The following PXYLP1 variants were observed in gnomAD, a reference collection of about 807,000 sequenced individuals.
The protein encoded by PXYLP1 is 2-phosphoxylose phosphatase 1, also known as acid phosphatase-like 2.
In PXYLP1, 17 loss-of-function variants were observed where a neutral mutation model predicts 37.9. That is an observed-to-expected ratio of 0.45 (90% CI 0.31 to 0.67). The LOEUF is 0.67. PXYLP1 is among the 30% of genes least tolerant of loss of function. The pLI, the probability that PXYLP1 is intolerant of heterozygous loss-of-function variation, is 0.07. For synonymous variants in PXYLP1, 221 were observed against 232.2 expected, an observed-to-expected ratio of 0.95 and a Z score of 0.44; for missense variants, 511 against 612.0, an observed-to-expected ratio of 0.84 and a Z score of 1.74.
At chr3:141,285,547 C>T (rs983015673) in intron 4 of PXYLP1, among the ~76,000 whole-genome samples, 1 of 151,874 alleles carries the variant, frequency 6.6e-6, no homozygotes, top group African/African-American at 2.4e-5. Context: ...AAATAAAAAA[C>T]ATTGGAATGA....
intron 2 of PXYLP1, among the ~76,000 whole-genome samples, chr3:141,269,058 C>G (rs1019492457): frequency 1.3e-5 from 2 of 152,256 alleles, no homozygotes; most frequent in African/African-American, 4.8e-5. Context: ...GAGTGCAGGC[C>G]CCACCCTGGG....
intron 2 of PXYLP1, among the ~76,000 whole-genome samples, chr3:141,268,190 AGAGAGAGAGAGAGAGAGT>A (rs1296546513): frequency 3.9e-4 from 39 of 99,414 alleles, no homozygotes; most frequent in African/African-American, 5.4e-4. Context: ...AGAGAGAGAG[AGAGAGAGAGAGAGAGAGT>A]GTGTGTGTGT....
chr3:141,261,702 G>A (rs1277188480), intron 2 of PXYLP1, among the ~76,000 whole-genome samples: 3 of 152,200 alleles, frequency 2.0e-5, no homozygotes, highest in East Asian at 1.9e-4. Context: ...TTGTCTGCTC[G>A]TTGAGAGCAG....
chr3:141,293,351 T>A lies in PXYLP1; in HGVS notation c.*146T>A, dbSNP rs1576612022. The A allele has an allele frequency of 2.3e-6, 2 of 857,538 alleles. No individual in the cohort carries two copies. The highest frequency in any genetic ancestry group is 5.3e-5 in the East Asian group (2 of 37,548). The allele number at this position is 857,538 out of a possible 1,614,324, so 53.1% of individuals were successfully genotyped here. On this transcript the variant is annotated 3_prime_UTR_variant, in exon 6 of 6. Transcript: ENST00000286353. ...TTGTGGGAACCACAGATGGTTGGGGTTGAACAGTAAGCACATTGCTGCAAT... is the reference window on the plus strand; with the variant it reads ...TTGTGGGAACCACAGATGGTTGGGGATGAACAGTAAGCACATTGCTGCAAT...
chr3:141,269,300 C>T (rs967551140), intron 2 of PXYLP1, among the ~76,000 whole-genome samples: 5 of 152,178 alleles, frequency 3.3e-5, no homozygotes, highest in Non-Finnish European at 5.9e-5. Flanking sequence ...CCATTCCCAC[C>T]GGAGCAGGGA....
intron 4 of PXYLP1, among the ~76,000 whole-genome samples, chr3:141,286,302 T>A (rs1041722864): frequency 1.3e-5 from 2 of 152,246 alleles, no homozygotes; most frequent in Admixed American, 6.5e-5. Context: ...TACTCTCAGA[T>A]CTCATATATA....
chr3:141,266,264 C>A (rs1941508704), intron 2 of PXYLP1, among the ~76,000 whole-genome samples: 1 of 152,218 alleles, frequency 6.6e-6, no homozygotes, highest in Admixed American at 6.5e-5. Flanking sequence ...CTTCCAGCTC[C>A]TCTTTGAAAA....
At chr3:141,269,751 G>A (rs1421590516) in intron 2 of PXYLP1, among the ~76,000 whole-genome samples, 2 of 152,208 alleles carry the variant, frequency 1.3e-5, no homozygotes, top group Admixed American at 6.5e-5. Flanking sequence ...TTCTTTTCAT[G>A]GTTCTTTTTG....
chr3:141,266,194 C>T (rs1184106575), intron 2 of PXYLP1, among the ~76,000 whole-genome samples: 1 of 152,228 alleles, frequency 6.6e-6, no homozygotes, highest in African/African-American at 2.4e-5. Flanking sequence ...GGCCCAACCC[C>T]TGTTTTTAGA....
At chr3:141,236,709 A>G (rs543729614) in intron 1 of PXYLP1, among the ~76,000 whole-genome samples, 2 of 152,346 alleles carry the variant, frequency 1.3e-5, no homozygotes, top group South Asian at 4.1e-4. Context: ...TCTAGTTAGA[A>G]TTAAACATTT....
intron 2 of PXYLP1, among the ~76,000 whole-genome samples, chr3:141,267,763 G>A (rs1485973630): frequency 1.3e-5 from 2 of 152,138 alleles, no homozygotes; most frequent in Admixed American, 6.5e-5. Flanking sequence ...GCTGAGAATG[G>A]ACACATTTAT....
intron 2 of PXYLP1, among the ~76,000 whole-genome samples, chr3:141,269,316 G>T (rs944722851): frequency 1.3e-5 from 2 of 152,186 alleles, no homozygotes; most frequent in Non-Finnish European, 2.9e-5. Flanking sequence ...AGGGACAGAA[G>T]CACATGTTTA....
At chr3:141,272,820 T>C (rs533810534) in intron 2 of PXYLP1, 2 of 225,284 alleles carry the variant, frequency 8.9e-6, no homozygotes, top group Admixed American at 1.3e-4. Context: ...CATTGGCAGC[T>C]TATTAGATTG....
At position 141,294,070 on chromosome 3, in the gene PXYLP1, T is replaced by A. The variant is rs534847427; in HGVS notation, c.*865T>A. 1 of 152,240 alleles carries A rather than the reference T, an allele frequency of 6.6e-6. No individual in the cohort carries two copies. Among genetic ancestry groups the A allele is most frequent in the Admixed American group, 6.5e-5 (1 of 15,282 alleles). 9.4% of individuals were successfully genotyped at this position (152,240 alleles called of 1,614,324 possible). Reference sequence around the variant, plus strand: ...AAGAATACTTGATGTTTATGATGATTGTGGTACAAGATAGTTTTAAGTATG... The same window carrying A: ...AAGAATACTTGATGTTTATGATGATAGTGGTACAAGATAGTTTTAAGTATG... On this transcript the variant is annotated 3_prime_UTR_variant, in exon 6 of 6. Coordinates refer to ENST00000286353, the MANE Select transcript of PXYLP1 (RefSeq NM_001037172.3).
chr3:141,251,466 T>C, intron 1 of PXYLP1, among the ~76,000 whole-genome samples: 1 of 152,152 alleles, frequency 6.6e-6, no homozygotes, highest in East Asian at 1.9e-4. Context: ...TCTACAACAG[T>C]TGCAAGGGAG....
chr3:141,263,866 C>G (rs1304743160), intron 2 of PXYLP1, among the ~76,000 whole-genome samples: 1 of 152,208 alleles, frequency 6.6e-6, no homozygotes, highest in African/African-American at 2.4e-5. Flanking sequence ...GGAAGCATAG[C>G]CAACATAAAC....
chr3:141,260,283 G>C (rs998764724), intron 2 of PXYLP1, 29 bp downstream of exon 2: 1 of 1,608,276 alleles, frequency 6.2e-7, no homozygotes. Context: ...CGCAGGTCGT[G>C]GGAGGGTAGG....
In PXYLP1 at chr3:141,292,370, AGACCACTGGGAAAAGCCG is replaced by A; in HGVS notation, c.613_630del (p.Thr205_Thr210del). On this transcript the variant is annotated inframe_deletion, in exon 6 of 6. Coordinates refer to ENST00000286353, the MANE Select transcript of PXYLP1 (RefSeq NM_001037172.3). The surrounding 1 kb of genome is among the most constrained non-coding windows in gnomAD (Gnocchi z 4.3). ...TGGTCTGCAGACCAGCTCTATTTAG[AGACCACTGGGAAAAGCCG>A]GACCCTACAAAGTGGGCTGGCCTTG... 6.2e-7 allele frequency: 1 copy of A among 1,614,206 alleles called. No homozygotes were observed. The highest frequency in any genetic ancestry group is 8.5e-7 in the Non-Finnish European group (1 of 1,180,048).
intron 1 of PXYLP1, among the ~76,000 whole-genome samples, chr3:141,248,518 CACACACACGTATATATAT>C (rs1941021730): frequency 6.8e-6 from 1 of 147,490 alleles, no homozygotes; most frequent in Non-Finnish European, 1.5e-5. Flanking sequence ...TATATACACA[CACACACACGTATATATAT>C]ACACACACGT....
Sources: allele counts gnomAD v4.1 joint callset (sites outside exome capture counted in the v4.1 genomes callset), GRCh38; gene constraint gnomAD v4.1.1; non-coding constraint Gnocchi (gnomAD v3.1); transcripts MANE v1.5; gene names NCBI Gene and HGNC (gene_info 2026-07-23, HGNC 2026-07-21).